The following MAIP1 variants were observed in gnomAD, a reference collection of about 807,000 sequenced individuals.
MAIP1 encodes m-AAA protease-interacting protein 1, mitochondrial.
A neutral mutation model predicts 31.2 loss-of-function variants in MAIP1; 28 were observed. The observed-to-expected ratio is 0.90, with a 90% CI of 0.67 to 1.23. The LOEUF is 1.23. Among genes scored for constraint, MAIP1 ranks in the 50% most tolerant of loss-of-function variants. The pLI, the probability that MAIP1 is intolerant of heterozygous loss-of-function variation, is 0.00. For missense variants in MAIP1, 339 were observed against 356.0 expected (o/e 0.95, Z 0.38); for synonymous variants, 142 against 142.3 (o/e 1.00, Z 0.02).
intron 1 of MAIP1, 121 bp downstream of exon 1, chr2:199,956,369 A>G: frequency 1.2e-6 from 1 of 813,174 alleles, no homozygotes; most frequent in Admixed American, 2.2e-5. Context: ...TTAGTGGCCC[A>G]GACATAGAGC....
intron 1 of MAIP1, among the ~76,000 whole-genome samples, chr2:199,958,259 C>T (rs1411376849): frequency 6.6e-6 from 1 of 152,226 alleles, no homozygotes; most frequent in East Asian, 1.9e-4. Context: ...CACATTTGCT[C>T]CTCTTATAAG....
chr2:199,963,853 T>C lies in MAIP1; in HGVS notation c.*42T>C. The C allele has an allele frequency of 1.5e-6, 2 of 1,343,220 alleles. No homozygotes were observed. The highest frequency in any genetic ancestry group is 1.1e-6 in the Non-Finnish European group (1 of 949,326). 83.2% of individuals were successfully genotyped at this position (1,343,220 alleles called of 1,614,324 possible). A position where few individuals can be genotyped will look rare whatever the true frequency, so the allele number is the denominator to read the frequency against. ...AGCTTATGGACTTTAGCAGTTGCTG[T>C]GAAAAACTAAGGAAGAAAAATTTTG... On this transcript the variant is annotated 3_prime_UTR_variant, in exon 5 of 5. Coordinates refer to ENST00000392290, the MANE Select transcript of MAIP1 (RefSeq NM_001394955.1).
chr2:199,955,359 T>C, upstream of MAIP1: 3 of 1,607,604 alleles, frequency 1.9e-6, no homozygotes, highest in Non-Finnish European at 1.7e-6. Flanking sequence ...CTCTCGCTGG[T>C]TTCTCGAGGT....
rs1345630694 is a variant in MAIP1 at position 199,959,808 on chromosome 2, G to A, written c.577G>A (p.Ala193Thr). 1 of 1,611,868 alleles carries A rather than the reference G, an allele frequency of 6.2e-7. No homozygotes were observed. Among genetic ancestry groups the A allele is most frequent in the Non-Finnish European group, 8.5e-7 (1 of 1,178,554 alleles). Residue 193 changes from alanine to threonine, a missense_variant, in exon 3 of 5, where the codon GCC becomes ACC. Transcript: ENST00000392290. ...TTCACTACCTGACAACCATAAAAAT[G>A]CCCTTGCTGCTAACATAGATGAAAT... ...VTSLPDNHKN[A>T]LAANIDEIVF... is the part of the protein sequence containing the mutation.
At chr2:199,963,355 T>C (rs1191331017) in intron 4 of MAIP1, among the ~76,000 whole-genome samples, 1 of 152,162 alleles carries the variant, frequency 6.6e-6, no homozygotes, top group Non-Finnish European at 1.5e-5. Context: ...GTATTTAAAG[T>C]GCTGTTTGCA....
In MAIP1 at chr2:199,959,876, G is replaced by C. The variant is rs375544417; in HGVS notation, c.645G>C (p.Glu215Asp). The C allele has an allele frequency of 6.2e-7, 1 of 1,611,910 alleles. No homozygotes were observed. Among genetic ancestry groups the C allele is most frequent in the Non-Finnish European group, 8.5e-7 (1 of 1,179,086 alleles). ...GAGACATCTCCATTTACTATGATGAGAAAGGTAATACCAGAGCATAGTCAA... is the reference window on the plus strand; with the variant it reads ...GAGACATCTCCATTTACTATGATGACAAAGGTAATACCAGAGCATAGTCAA... ...STGDISIYYD[E>D]KGRKFVNILM... The change falls in exon 3 of 5, where the codon GAG (glutamate) becomes GAC (aspartate). Residue 215 changes from glutamate (E) to aspartate (D), a missense_variant. Physicochemically the swap from Glu to Asp is conservative, Grantham distance 45. Coordinates refer to ENST00000392290, the MANE Select transcript of MAIP1 (RefSeq NM_001394955.1).
At chr2:199,961,506 A>T (rs1477183149) in intron 3 of MAIP1, among the ~76,000 whole-genome samples, 3 of 152,208 alleles carry the variant, frequency 2.0e-5, no homozygotes, top group Non-Finnish European at 4.4e-5. Context: ...ATTGAAAATA[A>T]TCCATGTAGT....
rs568746791 is a variant in MAIP1, at chr2:199,963,390, C to T, written c.798-343C>T. On this transcript the variant is annotated intron_variant, in intron 4 of 4. Coordinates refer to ENST00000392290, the MANE Select transcript of MAIP1 (RefSeq NM_001394955.1). ...ATCACCAGAGTCCAGTTTATCTGTC[C>T]TCATATTAGGCATGTGTTATAGCTA... Among the ~76,000 whole-genome samples the T allele has an allele frequency of 2.6e-5, 4 of 152,052 alleles. No individual in the cohort carries two copies. In the East Asian group the frequency reaches 5.8e-4, roughly 22 times the overall value.
upstream of MAIP1, chr2:199,955,410 G>A (rs1410111923): frequency 1.9e-6 from 3 of 1,613,802 alleles, no homozygotes; most frequent in Non-Finnish European, 2.5e-6. Context: ...TAGAGGTGCT[G>A]CATGAACTGC....
intron 4 of MAIP1, among the ~76,000 whole-genome samples, chr2:199,963,201 G>A (rs564593455): frequency 1.3e-5 from 2 of 152,100 alleles, no homozygotes; most frequent in East Asian, 3.9e-4. Flanking sequence ...CTTTTCTGAT[G>A]TTTCTTACTA....
chr2:199,960,479 G>A (rs547329374), intron 3 of MAIP1, among the ~76,000 whole-genome samples: 2 of 152,114 alleles, frequency 1.3e-5, no homozygotes, highest in South Asian at 2.1e-4. Flanking sequence ...TGGGGGTTTC[G>A]CATCCACAGA....
At chr2:199,962,715 C>G (rs2077642987) in intron 4 of MAIP1, among the ~76,000 whole-genome samples, 1 of 152,182 alleles carries the variant, frequency 6.6e-6, no homozygotes, top group Non-Finnish European at 1.5e-5. Flanking sequence ...CACTAGACAT[C>G]TGTTGGTCAT....
At position 199,956,208 on chromosome 2, in the gene MAIP1, AAG is replaced by A. The variant is rs1055187516; in HGVS notation, c.413_414del (p.Glu138ValfsTer25). ...TTCCTTATCTGGGCCTATTTCGACA[AAG>A]AGTTCAGCATCACAGAGTTCTCCGA... On this transcript the variant is annotated frameshift_variant, in exon 1 of 5. Coordinates refer to ENST00000392290, the MANE Select transcript of MAIP1 (RefSeq NM_001394955.1). LOFTEE classifies it high-confidence loss of function. The A allele has an allele frequency of 6.8e-6, 11 of 1,613,886 alleles. No individual in the cohort carries two copies. The highest frequency in any genetic ancestry group is 9.3e-6 in the Non-Finnish European group (11 of 1,179,950).
At chr2:199,957,106 A>G (rs560120432) in intron 1 of MAIP1, among the ~76,000 whole-genome samples, 47 of 148,998 alleles carry the variant, frequency 3.2e-4, no homozygotes, top group Admixed American at 2.7e-3. Context: ...AACTGCTGAT[A>G]ACAATAGAAG....
In MAIP1 at chr2:199,960,900, T is replaced by C. The variant is rs575395652; in HGVS notation, c.650-881T>C. Among the ~76,000 whole-genome samples the C allele has an allele frequency of 8.5e-5, 13 of 152,356 alleles. No homozygotes were observed. In the South Asian group the frequency reaches 2.7e-3, roughly 32 times the overall value. On this transcript the variant is annotated intron_variant, in intron 3 of 4. Transcript: ENST00000392290. ...TAAAATTTTTCATGCACACATTATTTTGAAATATTTGTAAAGATATTTTTA... is the reference window on the plus strand; with the variant it reads ...TAAAATTTTTCATGCACACATTATTCTGAAATATTTGTAAAGATATTTTTA...
chr2:199,963,979 C>T lies in MAIP1; in HGVS notation c.*168C>T. On this transcript the variant is annotated 3_prime_UTR_variant, in exon 5 of 5. Transcript: ENST00000392290. ...TGGCATGATACAGTAAAAGCATTTT[C>T]CACAGATTGTTATCACCTTCTTTAA... is the stretch of plus-strand genomic sequence containing the variant. 1 of 425,274 alleles carries T rather than the reference C, an allele frequency of 2.4e-6. No individual in the cohort carries two copies. Among genetic ancestry groups the T allele is most frequent in the Non-Finnish European group, 4.2e-6 (1 of 239,872 alleles). 26.3% of individuals were successfully genotyped at this position (425,274 alleles called of 1,614,324 possible).
Position 199,955,969 on chromosome 2 carries a change from C to G in MAIP1, c.171C>G (p.Ser57Arg). The G allele has an allele frequency of 6.2e-7, 1 of 1,612,066 alleles. No individual in the cohort carries two copies. Among genetic ancestry groups the G allele is most frequent in the Non-Finnish European group, 8.5e-7 (1 of 1,179,142 alleles). ...LGLGAALFPRSARALAASALP... is the reference protein window; with the variant it reads ...LGLGAALFPRRARALAASALP... Reference sequence around the variant, plus strand: ...TGGGAGCGGCGTTATTTCCACGAAGCGCTAGGGCCTTGGCAGCCTCGGCGC... The same window carrying G: ...TGGGAGCGGCGTTATTTCCACGAAGGGCTAGGGCCTTGGCAGCCTCGGCGC... The change falls in exon 1 of 5, where the codon AGC becomes AGG. Residue 57 changes from serine to arginine, a missense_variant. Coordinates refer to ENST00000392290, the MANE Select transcript of MAIP1 (RefSeq NM_001394955.1).
chr2:199,955,579 G>T, upstream of MAIP1: 1 of 1,415,456 alleles, frequency 7.1e-7, no homozygotes. Flanking sequence ...CCGCGAGGCC[G>T]GCAGACTCCA....
At chr2:199,958,264 TA>T (rs2077618434) in intron 1 of MAIP1, among the ~76,000 whole-genome samples, 1 of 152,136 alleles carries the variant, frequency 6.6e-6, no homozygotes, top group Admixed American at 6.5e-5. Flanking sequence ...TTGCTCCTCT[TA>T]TAAGGATGCC....
Sources: gnomAD v4.1 joint callset for allele counts (sites outside exome capture counted in the v4.1 genomes callset) on GRCh38, gnomAD v4.1.1 for gene constraint, MANE v1.5 for transcripts, NCBI Gene and HGNC (gene_info 2026-07-23, HGNC 2026-07-21) for gene names.